HHAT: variants seen among roughly 807,000 people sequenced by gnomAD.
The protein encoded by HHAT is protein-cysteine N-palmitoyltransferase HHAT.
In HHAT, 47 loss-of-function variants were observed where a neutral mutation model predicts 70.8. The observed-to-expected ratio is 0.66, with a 90% CI of 0.53 to 0.85. The LOEUF is 0.85. Ranked by LOEUF, HHAT falls within the 40% of genes least tolerant of loss-of-function variation. HHAT has a pLI of 0.00. For missense variants in HHAT, 609 were observed against 604.8 expected (o/e 1.01, Z -0.07); for synonymous variants, 228 against 247.6 (o/e 0.92, Z 0.74).
At chr1:210,550,965 G>T (rs1196591617) in intron 9 of HHAT, among the ~76,000 whole-genome samples, 2 of 148,760 alleles carry the variant, frequency 1.3e-5, no homozygotes, top group Non-Finnish European at 1.5e-5. Flanking sequence ...ACCACTCCTG[G>T]CCCAGAAGTG....
At chr1:210,591,352 C>T (rs1276267417) in intron 10 of HHAT, among the ~76,000 whole-genome samples, 1 of 152,096 alleles carries the variant, frequency 6.6e-6, no homozygotes, top group Non-Finnish European at 1.5e-5. Flanking sequence ...ACTTCCAGTT[C>T]CATCCATGTT....
chr1:210,464,625 G>A lies in HHAT; in HGVS notation c.977G>A (p.Ser326Asn), dbSNP rs1310979158. Residue 326 changes from serine (S) to asparagine (N), a missense_variant, in exon 8 of 12, where the codon AGC becomes AAC. By Grantham distance (46) the Ser-to-Asn change is conservative. Transcript: ENST00000261458. ...CCACCCGCCCTCCCCCGCTGCGTGAGCACCATGTTCAGTTTCACCGGGATG... is the reference window on the plus strand; with the variant it reads ...CCACCCGCCCTCCCCCGCTGCGTGAACACCATGTTCAGTTTCACCGGGATG... ...LTPPALPRCV[S>N]TMFSFTGMWR... 1 of 1,614,072 alleles carries A rather than the reference G, an allele frequency of 6.2e-7. No individual in the cohort carries two copies. The highest frequency in any genetic ancestry group is 8.5e-7 in the Non-Finnish European group (1 of 1,180,014).
intron 11 of HHAT, among the ~76,000 whole-genome samples, chr1:210,635,916 C>T (rs1014728718): frequency 7.0e-6 from 1 of 141,888 alleles, no homozygotes. Flanking sequence ...AGGCTAAGTT[C>T]GTTCTGGAAG....
chr1:210,506,837 C>T (rs138596648), intron 8 of HHAT, among the ~76,000 whole-genome samples: 102 of 152,268 alleles, frequency 6.7e-4, no homozygotes, highest in African/African-American at 2.3e-3. Flanking sequence ...CTTCACTCAA[C>T]GACATTTATT....
chr1:210,484,045 A>G (rs1170975448), intron 8 of HHAT, among the ~76,000 whole-genome samples: 4 of 152,200 alleles, frequency 2.6e-5, no homozygotes, highest in Admixed American at 2.6e-4. Context: ...GCAAGCCTCA[A>G]CATGGGCTAG....
intron 10 of HHAT, among the ~76,000 whole-genome samples, chr1:210,595,418 A>G (rs1025986065): frequency 2.6e-5 from 4 of 152,246 alleles, no homozygotes; most frequent in Non-Finnish European, 5.9e-5. Context: ...TAGTGCCGCA[A>G]TAAACATACA....
intron 7 of HHAT, among the ~76,000 whole-genome samples, chr1:210,430,986 T>C (rs1429480072): frequency 6.6e-6 from 1 of 151,890 alleles, no homozygotes; most frequent in African/African-American, 2.4e-5. Context: ...ATCTGCAATC[T>C]TTGTTAGTCT....
intron 9 of HHAT, among the ~76,000 whole-genome samples, chr1:210,576,075 A>G (rs1309047585): frequency 6.6e-6 from 1 of 152,148 alleles, no homozygotes; most frequent in Non-Finnish European, 1.5e-5. Flanking sequence ...ATTAAGCATA[A>G]TCAACAGGTA....
chr1:210,478,629 A>G (rs1228772512), intron 8 of HHAT, among the ~76,000 whole-genome samples: 1 of 152,104 alleles, frequency 6.6e-6, no homozygotes, highest in African/African-American at 2.4e-5. Context: ...CACTCTGTGA[A>G]AGCATCTTCC....
chr1:210,496,185 G>A (rs1283859622), intron 8 of HHAT, among the ~76,000 whole-genome samples: 1 of 151,838 alleles, frequency 6.6e-6, no homozygotes, highest in Non-Finnish European at 1.5e-5. Flanking sequence ...TTATTTAGAG[G>A]GGTGATGTCA....
At chr1:210,355,511 A>G (rs59539784) in intron 2 of HHAT, among the ~76,000 whole-genome samples, 4,108 of 152,322 alleles carry the variant, frequency 0.027, 182 homozygotes, top group African/African-American at 0.093. Context: ...TTTTAAAGTC[A>G]TCAGTTTTCC....
intron 9 of HHAT, among the ~76,000 whole-genome samples, chr1:210,551,344 T>C (rs1054104488): frequency 6.7e-6 from 1 of 149,094 alleles, no homozygotes; most frequent in Non-Finnish European, 1.5e-5. Flanking sequence ...CCAGTGCGAC[T>C]CATCACAGTT....
intron 3 of HHAT, among the ~76,000 whole-genome samples, chr1:210,372,794 T>G (rs1282830697): frequency 2.0e-5 from 3 of 151,260 alleles, no homozygotes; most frequent in Non-Finnish European, 2.9e-5. Context: ...TTTTTTTTTT[T>G]TGTGATCCTT....
upstream of HHAT, among the ~76,000 whole-genome samples, chr1:210,327,569 G>C (rs533433293): frequency 6.6e-6 from 1 of 152,098 alleles, no homozygotes; most frequent in Non-Finnish European, 1.5e-5. Flanking sequence ...GCAGTGGTGC[G>C]ATCTGAGCTC....
At chr1:210,597,802 C>T (rs1663333950) in intron 10 of HHAT, among the ~76,000 whole-genome samples, 1 of 151,968 alleles carries the variant, frequency 6.6e-6, no homozygotes, top group Non-Finnish European at 1.5e-5. Flanking sequence ...CCCCAATAGC[C>T]TACTCGGTGC....
At chr1:210,388,938 A>G (rs1207545428) in intron 4 of HHAT, among the ~76,000 whole-genome samples, 1 of 152,200 alleles carries the variant, frequency 6.6e-6, no homozygotes, top group Non-Finnish European at 1.5e-5. Context: ...TGAGGATTGT[A>G]CTAAGTTAAT....
intron 7 of HHAT, among the ~76,000 whole-genome samples, chr1:210,428,511 T>A (rs34807971): frequency 0.019 from 2,861 of 151,276 alleles, 164 homozygotes; most frequent in East Asian, 0.15. Context: ...TTGGATCTAG[T>A]TGTTTTGTTC....
intron 5 of HHAT, among the ~76,000 whole-genome samples, chr1:210,403,806 TTTCC>T (rs1457400180): frequency 6.6e-6 from 1 of 152,226 alleles, no homozygotes; most frequent in Non-Finnish European, 1.5e-5. Context: ...TTTTATTGTA[TTTCC>T]TTCTCATTTT....
intron 11 of HHAT, among the ~76,000 whole-genome samples, chr1:210,658,452 T>C (rs1395570774): frequency 1.3e-5 from 2 of 152,244 alleles, no homozygotes; most frequent in Non-Finnish European, 1.5e-5. Flanking sequence ...TCATGTTCCC[T>C]CACTTCTGCC....
Sources: gnomAD v4.1 joint callset for allele counts (sites outside exome capture counted in the v4.1 genomes callset) on GRCh38, gnomAD v4.1.1 for gene constraint, MANE v1.5 for transcripts, NCBI Gene and HGNC (gene_info 2026-07-23, HGNC 2026-07-21) for gene names.